The following GRID2 variants were observed in gnomAD, a reference collection of about 807,000 sequenced individuals.
GRID2 encodes glutamate receptor ionotropic, delta-2.
In GRID2, 33 loss-of-function variants were observed where a neutral mutation model predicts 114.8. The ratio of observed to expected loss-of-function variants is 0.29; its 90% CI spans 0.22 to 0.38. The LOEUF (loss-of-function observed/expected upper bound fraction) is 0.38, where lower values mean the gene tolerates loss of function less well. GRID2 is among the 10% of genes least tolerant of loss of function. GRID2 has a pLI of 1.00. For synonymous variants in GRID2, 505 were observed against 449.9 expected (o/e 1.12, Z -1.55); for missense variants, 1,184 against 1,257.7 (o/e 0.94, Z 0.89).
At position 93,164,163 on chromosome 4, in the gene GRID2, A is replaced by G. The variant is rs531387416; in HGVS notation, c.736-43241A>G. On this transcript the variant is annotated intron_variant, in intron 4 of 15. Transcript: ENST00000282020. ...CGAAAAACCAAGCCCGGGGGGGGAA[A>G]AAAAAGGTAATTTAGAAAAGAAAAT... is the stretch of plus-strand genomic sequence containing the variant. 3.3e-5 allele frequency among the ~76,000 whole-genome samples: 5 copies of G among 152,148 alleles called. No homozygotes were observed. The South Asian group carries it at 6.2e-4, about 19-fold the overall frequency.
chr4:92,387,744 G>A (rs766286244), intron 1 of GRID2, among the ~76,000 whole-genome samples: 3 of 151,964 alleles, frequency 2.0e-5, no homozygotes, highest in Non-Finnish European at 2.9e-5. Context: ...CTATTTAAAG[G>A]ACTTTCTCAA....
In GRID2 at chr4:93,767,660, T is replaced by A. The variant is rs117963989; in HGVS notation, c.2361-1550T>A. Among the ~76,000 whole-genome samples the A allele has an allele frequency of 2.6e-5, 4 of 152,206 alleles. No homozygotes were observed. The East Asian group carries it at 7.8e-4, about 30-fold the overall frequency. Reference sequence around the variant, plus strand: ...AGGGCTGGTCTCACTCTAGTTTAACTCAGATTAAACACTGACCCAACTTCC... The same window carrying A: ...AGGGCTGGTCTCACTCTAGTTTAACACAGATTAAACACTGACCCAACTTCC... On this transcript the variant is annotated intron_variant, in intron 14 of 15. Coordinates refer to ENST00000282020, the MANE Select transcript of GRID2 (RefSeq NM_001510.4).
chr4:93,454,912 T>C (rs1374889763), intron 10 of GRID2, among the ~76,000 whole-genome samples: 1 of 152,140 alleles, frequency 6.6e-6, no homozygotes, highest in Non-Finnish European at 1.5e-5. Context: ...GCAGTTTAAA[T>C]GTGAAGTCAT....
chr4:93,512,238 A>G (rs1729265498), intron 12 of GRID2, among the ~76,000 whole-genome samples: 1 of 152,228 alleles, frequency 6.6e-6, no homozygotes. Flanking sequence ...GCATGTCTAA[A>G]TATTATACAC....
chr4:92,912,049 AGAT>A (rs1748424418), intron 2 of GRID2, among the ~76,000 whole-genome samples: 1 of 151,872 alleles, frequency 6.6e-6, no homozygotes, highest in Non-Finnish European at 1.5e-5. Context: ...AAATAATAGA[AGAT>A]AATATTTTTA....
intron 2 of GRID2, among the ~76,000 whole-genome samples, chr4:92,698,062 C>T (rs1734503715): frequency 6.6e-6 from 1 of 152,090 alleles, no homozygotes; most frequent in Admixed American, 6.6e-5. Context: ...TGCATAGTAA[C>T]AAACCTCAGC....
At chr4:93,232,494 C>T (rs975248103) in intron 7 of GRID2, among the ~76,000 whole-genome samples, 9 of 147,502 alleles carry the variant, frequency 6.1e-5, no homozygotes, top group African/African-American at 2.3e-4. Context: ...ATGTTGAGCC[C>T]AACATATATC....
chr4:93,702,378 G>A (rs1019787382), intron 14 of GRID2, among the ~76,000 whole-genome samples: 1 of 151,984 alleles, frequency 6.6e-6, no homozygotes, highest in Non-Finnish European at 1.5e-5. Context: ...TCTAAACATT[G>A]TGTTTTTGAA....
intron 2 of GRID2, among the ~76,000 whole-genome samples, chr4:92,760,985 A>AT (rs1451084719): frequency 6.6e-6 from 1 of 152,144 alleles, no homozygotes; most frequent in African/African-American, 2.4e-5. Context: ...TTATTAACTA[A>AT]TATCTTTATT....
intron 2 of GRID2, among the ~76,000 whole-genome samples, chr4:92,892,977 A>G (rs1165793599): frequency 2.6e-5 from 4 of 152,274 alleles, no homozygotes; most frequent in African/African-American, 9.6e-5. Flanking sequence ...GAAATAAAAT[A>G]TGAAAGAAAT....
intron 1 of GRID2, among the ~76,000 whole-genome samples, chr4:92,459,049 A>G (rs753835234): frequency 6.6e-6 from 1 of 152,138 alleles, no homozygotes; most frequent in Admixed American, 6.6e-5. Flanking sequence ...CAAATGCCTG[A>G]TGAAAAGTTA....
intron 1 of GRID2, among the ~76,000 whole-genome samples, chr4:93,804,419 C>G (rs1296968308): frequency 6.6e-6 from 1 of 152,132 alleles, no homozygotes; most frequent in East Asian, 1.9e-4. Context: ...AGGCTACCAA[C>G]CGGTACAGCA....
chr4:93,132,834 G>C (rs186334256), intron 4 of GRID2, among the ~76,000 whole-genome samples: 1 of 152,130 alleles, frequency 6.6e-6, no homozygotes, highest in Non-Finnish European at 1.5e-5. Flanking sequence ...AGTACTCAGC[G>C]TGCTGTGAAA....
chr4:92,915,011 C>T (rs1010277563), intron 2 of GRID2, among the ~76,000 whole-genome samples: 5 of 152,102 alleles, frequency 3.3e-5, no homozygotes, highest in African/African-American at 7.2e-5. Context: ...GACTCACAGT[C>T]CAGCATGGCT....
chr4:92,795,676 A>G (rs1410057706), intron 2 of GRID2, among the ~76,000 whole-genome samples: 4 of 152,002 alleles, frequency 2.6e-5, no homozygotes, highest in Non-Finnish European at 5.9e-5. Context: ...AGAAGTATCC[A>G]TGTCACAAAA....
At chr4:93,380,583 G>A (rs1372506778) in intron 8 of GRID2, among the ~76,000 whole-genome samples, 1 of 151,338 alleles carries the variant, frequency 6.6e-6, no homozygotes, top group African/African-American at 2.4e-5. Flanking sequence ...AGTTGCAGTT[G>A]GGAAACATTT....
At chr4:92,933,198 C>T (rs1433379780) in intron 2 of GRID2, among the ~76,000 whole-genome samples, 2 of 150,012 alleles carry the variant, frequency 1.3e-5, no homozygotes, top group Non-Finnish European at 3.0e-5. Context: ...TAAATTTTAC[C>T]TCTTAATCGG....
chr4:93,643,898 G>A lies in GRID2; in HGVS notation c.2360+17463G>A, dbSNP rs1486296995. ...TAAGCAAGCCTGGGCAATGGCGGGCGCCCCTCCCCCAGCCTAGTTGCCGCC... is the reference window on the plus strand; with the variant it reads ...TAAGCAAGCCTGGGCAATGGCGGGCACCCCTCCCCCAGCCTAGTTGCCGCC... On this transcript the variant is annotated intron_variant, in intron 14 of 15. Coordinates refer to ENST00000282020, the MANE Select transcript of GRID2 (RefSeq NM_001510.4). Among the ~76,000 whole-genome samples, 5 of 101,142 alleles carry A rather than the reference G, an allele frequency of 4.9e-5. 1 individual carries two copies. Among genetic ancestry groups the A allele is most frequent in the Admixed American group, 4.4e-4 (5 of 11,394 alleles). The allele number at this position is 101,142 out of a possible 152,430, so 66.4% of individuals were successfully genotyped here. A position where few individuals can be genotyped will look rare whatever the true frequency, so the allele number is the denominator to read the frequency against.
rs13124888 is a variant in GRID2 at position 92,540,970 on chromosome 4, C to T, written c.89-49161C>T. Among the ~76,000 whole-genome samples the T allele has an allele frequency of 5.4e-4, 82 of 152,138 alleles. No homozygotes were observed. The East Asian group carries it at 0.014, about 27-fold the overall frequency. On this transcript the variant is annotated intron_variant, in intron 1 of 15. Coordinates refer to ENST00000282020, the MANE Select transcript of GRID2 (RefSeq NM_001510.4). ...ATGGAATACTATGCAGCCATAAAAA[C>T]GGATGAGTTCATGTCCTTTGTAGGA...
Sources: allele counts gnomAD v4.1 joint callset (sites outside exome capture counted in the v4.1 genomes callset), GRCh38; gene constraint gnomAD v4.1.1; transcripts MANE v1.5; gene names NCBI Gene and HGNC (gene_info 2026-07-23, HGNC 2026-07-21).